Variants in GJA3 observed in about 807,000 individuals in gnomAD.
GJA3 encodes gap junction alpha-3 protein.
For missense variants in GJA3, 571 were observed against 620.3 expected (o/e 0.92, Z 0.84); for synonymous variants, 297 against 292.6 (o/e 1.02, Z -0.15).
At chr13:20,144,302 ACC>A (rs1455211938) in intron 1 of GJA3, among the ~76,000 whole-genome samples, 1 of 152,178 alleles carries the variant, frequency 6.6e-6, no homozygotes, top group Admixed American at 6.5e-5. Flanking sequence ...TCCTGTGAGG[ACC>A]AGGGGCCAGC....
At position 20,140,305 on chromosome 13, in the gene GJA3, T is replaced by C. The variant is rs890923828; in HGVS notation, c.*1676A>G. The C allele has an allele frequency of 6.6e-6, 1 of 152,210 alleles. No individual in the cohort carries two copies. Among genetic ancestry groups the C allele is most frequent in the Non-Finnish European group, 1.5e-5 (1 of 68,028 alleles). The allele number at this position is 152,210 out of a possible 1,614,324, so 9.4% of individuals were successfully genotyped here. ...GCAGAATGTACTAACAAATTCTTTG[T>C]GTTTGACTGACATGAAAAACTAGTT... On this transcript the variant is annotated 3_prime_UTR_variant, in exon 2 of 2. Transcript: ENST00000241125.
rs940568119 is a variant in GJA3, at chr13:20,138,748, T to C, written c.*3233A>G. 8 of 152,236 alleles carry C rather than the reference T, an allele frequency of 5.3e-5. No homozygotes were observed. Among genetic ancestry groups the C allele is most frequent in the Non-Finnish European group, 1.0e-4 (7 of 68,034 alleles). 9.4% of individuals were successfully genotyped at this position (152,236 alleles called of 1,614,324 possible). On this transcript the variant is annotated 3_prime_UTR_variant, in exon 2 of 2. Transcript: ENST00000241125. ...TCATGCAATACTCTCTATAAGTATT[T>C]ATTTTGGTGGAGATTCATGAATTAG... is the stretch of plus-strand genomic sequence containing the variant.
In GJA3 at chr13:20,141,845, C is replaced by G; in HGVS notation, c.*136G>C. On this transcript the variant is annotated 3_prime_UTR_variant, in exon 2 of 2. Transcript: ENST00000241125. The stretch of plus-strand genomic sequence containing the variant: ...CACGGAAACCTGATCTCTCCTCCAT[C>G]GTCCACCTCCTGGGACTCCAGTCGC... The G allele has an allele frequency of 7.7e-7, 1 of 1,290,406 alleles. No homozygotes were observed. The highest frequency in any genetic ancestry group is 1.1e-6 in the Non-Finnish European group (1 of 937,594). The allele number at this position is 1,290,406 out of a possible 1,614,324, so 79.9% of individuals were successfully genotyped here.
At chr13:20,155,447 C>T (rs1006031425) in intron 1 of GJA3, among the ~76,000 whole-genome samples, 4 of 152,056 alleles carry the variant, frequency 2.6e-5, no homozygotes, top group African/African-American at 4.8e-5. Flanking sequence ...TTACTGTTTA[C>T]TAAGTCAAAT....
intron 1 of GJA3, among the ~76,000 whole-genome samples, chr13:20,143,734 C>T (rs982858359): frequency 3.3e-5 from 5 of 152,204 alleles, no homozygotes; most frequent in African/African-American, 1.2e-4. Flanking sequence ...GAACTTCTGC[C>T]ATGTTAATCT....
intron 1 of GJA3, among the ~76,000 whole-genome samples, chr13:20,157,876 CTTT>C (rs36097117): frequency 1.4e-5 from 2 of 147,774 alleles, no homozygotes; most frequent in Non-Finnish European, 3.0e-5. Flanking sequence ...TTTGAATTAT[CTTT>C]TTTTTTTTTT....
At position 20,159,456 on chromosome 13, in the gene GJA3, C is replaced by CAAAAAA. The variant is rs57613247; in HGVS notation, c.-18+1428_-18+1433dup. Reference sequence around the variant, plus strand: ...TGGGTGACAGAGCGAGACTCCATCTCAAAAAAAAAAAAAAAAAAAAAAAAA... The same window carrying CAAAAAA: ...TGGGTGACAGAGCGAGACTCCATCTCAAAAAAAAAAAAAAAAAAAAAAAAAAAAAAA... On this transcript the variant is annotated intron_variant, in intron 1 of 1. Coordinates refer to ENST00000241125, the MANE Select transcript of GJA3 (RefSeq NM_021954.4). Among the ~76,000 whole-genome samples, 4 of 51,748 alleles carry CAAAAAA rather than the reference C, an allele frequency of 7.7e-5. 1 individual carries two copies. Among genetic ancestry groups the CAAAAAA allele is most frequent in the African/African-American group, 2.2e-4 (2 of 9,292 alleles). 33.9% of individuals were successfully genotyped at this position (51,748 alleles called of 152,430 possible).
At chr13:20,143,368 T>C (rs1474082713) in intron 1 of GJA3, 63 bp from the exon 2 acceptor site, 8 of 1,228,142 alleles carry the variant, frequency 6.5e-6, no homozygotes, top group Admixed American at 2.7e-5. Context: ...TCCGCACCCA[T>C]GGGCGGCGGC....
Position 20,142,386 on chromosome 13 carries a change from G to C in GJA3, c.903C>G (p.Ala301=), listed in dbSNP as rs777846691. Residue 301 remains alanine, a synonymous_variant, in exon 2 of 2, where the codon GCC becomes GCG. Coordinates refer to ENST00000241125, the MANE Select transcript of GJA3 (RefSeq NM_021954.4). ...GGCCCTTTCCGCGCGCCTCGGTCAG[G>C]GCTAGCAGTTTGAAGTCCGCGGCTG... ...PPPAADFKLL[A]LTEARGKGQS... The C allele has an allele frequency of 1.3e-6, 2 of 1,526,008 alleles. No homozygotes were observed. Among genetic ancestry groups the C allele is most frequent in the African/African-American group, 2.8e-5 (2 of 72,076 alleles). 94.5% of individuals were successfully genotyped at this position (1,526,008 alleles called of 1,614,324 possible). A position where few individuals can be genotyped will look rare whatever the true frequency, so the allele number is the denominator to read the frequency against.
Position 20,142,575 on chromosome 13 carries a change from G to T in GJA3, c.714C>A (p.Leu238=). Residue 238 remains leucine (L), a synonymous_variant, in exon 2 of 2, where the codon CTC becomes CTA. Transcript: ENST00000241125. ...KKLKQGVTSR[L]GPDASEAPLG... ...GCGGGGCCTCGGAGGCGTCCGGGCCGAGGCGGCTGGTCACGCCCTGCTTGA... is the reference window on the plus strand; with the variant it reads ...GCGGGGCCTCGGAGGCGTCCGGGCCTAGGCGGCTGGTCACGCCCTGCTTGA... The T allele has an allele frequency of 6.2e-7, 1 of 1,601,578 alleles. No individual in the cohort carries two copies. The highest frequency in any genetic ancestry group is 8.5e-7 in the Non-Finnish European group (1 of 1,174,688).
chr13:20,146,287 A>C (rs929920512), intron 1 of GJA3, among the ~76,000 whole-genome samples: 16 of 152,202 alleles, frequency 1.1e-4, no homozygotes, highest in African/African-American at 3.9e-4. Context: ...CTGTGGGGCC[A>C]GTGGAGGCAA....
chr13:20,142,611 G>A lies in GJA3; in HGVS notation c.678C>T (p.Gly226=). The A allele has an allele frequency of 6.2e-7, 1 of 1,612,856 alleles. No individual in the cohort carries two copies. Among genetic ancestry groups the A allele is most frequent in the African/African-American group, 1.3e-5 (1 of 75,018 alleles). ...LLNMLEIYHL[G]WKKLKQGVTS... ...TCACGCCCTGCTTGAGCTTCTTCCA[G>A]CCCAGGTGGTAGATCTCCAGCATGT... The change falls in exon 2 of 2, where the codon GGC becomes GGT. Residue 226 remains glycine (G), a synonymous_variant. Coordinates refer to ENST00000241125, the MANE Select transcript of GJA3 (RefSeq NM_021954.4).
At chr13:20,148,434 G>GT (rs1958857018) in intron 1 of GJA3, among the ~76,000 whole-genome samples, 2 of 152,052 alleles carry the variant, frequency 1.3e-5, no homozygotes, top group Admixed American at 6.6e-5. Context: ...TAATTTTCAT[G>GT]TTTTTGTAGA....
intron 1 of GJA3, among the ~76,000 whole-genome samples, chr13:20,159,487 GGCT>G (rs1175949033): frequency 9.0e-6 from 1 of 110,626 alleles, no homozygotes; most frequent in Non-Finnish European, 1.9e-5. Flanking sequence ...AAAAAAAAAA[GGCT>G]GCGATAAACG....
intron 1 of GJA3, among the ~76,000 whole-genome samples, chr13:20,153,363 G>C: frequency 6.6e-6 from 1 of 152,158 alleles, no homozygotes; most frequent in African/African-American, 2.4e-5. Context: ...ATTCACAATA[G>C]CAAAGACTTG....
intron 1 of GJA3, among the ~76,000 whole-genome samples, chr13:20,148,305 T>A (rs999583424): frequency 7.3e-6 from 1 of 137,852 alleles, no homozygotes; most frequent in Non-Finnish European, 1.5e-5. Flanking sequence ...TCGCTCAGGC[T>A]AAGGTGCAGT....
intron 1 of GJA3, among the ~76,000 whole-genome samples, chr13:20,147,975 G>A (rs1958853242): frequency 6.6e-6 from 1 of 152,066 alleles, no homozygotes; most frequent in African/African-American, 2.4e-5. Context: ...CAGACTCTAA[G>A]TGAGCAAGGG....
chr13:20,141,984 G>C lies in GJA3; in HGVS notation c.1305C>G (p.Ile435Met), dbSNP rs1424860823. 4.5e-6 allele frequency: 7 copies of C among 1,550,262 alleles called. No individual in the cohort carries two copies. In the Admixed American group the frequency reaches 1.4e-4, roughly 30 times the overall value. The change falls in exon 2 of 2, where the codon ATC becomes ATG. Residue 435 changes from isoleucine (I) to methionine (M), a missense_variant. Transcript: ENST00000241125. Reference sequence around the variant, plus strand: ...TCTGGAGGCAGGCACCCGGGCACTAGATGGCCAAGTCCTCCGGTCTGGCCC... The same window carrying C: ...TCTGGAGGCAGGCACCCGGGCACTACATGGCCAAGTCCTCCGGTCTGGCCC... The part of the protein sequence containing the change: ...SGRARPEDLA[I>M]
chr13:20,145,277 C>T (rs1048585724), intron 1 of GJA3, among the ~76,000 whole-genome samples: 5 of 152,088 alleles, frequency 3.3e-5, no homozygotes, highest in Non-Finnish European at 5.9e-5. Context: ...AAGAAACAGA[C>T]GAATGTTAAC....
Sources: gnomAD v4.1 joint callset for allele counts (sites outside exome capture counted in the v4.1 genomes callset) on GRCh38, gnomAD v4.1.1 for gene constraint, MANE v1.5 for transcripts, NCBI Gene and HGNC (gene_info 2026-07-23, HGNC 2026-07-21) for gene names.